KMT2C: variants seen among roughly 807,000 people sequenced by gnomAD.
KMT2C encodes the protein lysine methyltransferase 2C, also known as histone-lysine N-methyltransferase 2C.
A neutral mutation model predicts 507.9 loss-of-function variants in KMT2C; 88 were observed. The ratio of observed to expected loss-of-function variants is 0.17; its 90% CI spans 0.15 to 0.21. The LOEUF is 0.21. Ranked by LOEUF, KMT2C falls within the 10% of genes least tolerant of loss-of-function variation. The pLI is 1.00. For synonymous variants in KMT2C, 2,049 were observed against 2,080.8 expected (o/e 0.98, Z 0.42); for missense variants, 4,954 against 5,957.8 (o/e 0.83, Z 5.55).
At chr7:152,389,453 A>G (rs1284458318) in intron 1 of KMT2C, among the ~76,000 whole-genome samples, 1 of 151,484 alleles carries the variant, frequency 6.6e-6, no homozygotes, top group Non-Finnish European at 1.5e-5. Flanking sequence ...TCTAGTTTAC[A>G]CTATTTAAAT....
chr7:152,237,629 C>G (rs2095304250), intron 15 of KMT2C, among the ~76,000 whole-genome samples: 1 of 152,106 alleles, frequency 6.6e-6, no homozygotes, highest in African/African-American at 2.4e-5. Context: ...TCCCTAGCAG[C>G]TGGGATTACA....
intron 16 of KMT2C, among the ~76,000 whole-genome samples, chr7:152,234,162 T>G (rs1203229362): frequency 2.1e-5 from 3 of 144,728 alleles, no homozygotes; most frequent in Non-Finnish European, 4.5e-5. Flanking sequence ...CCGAGGCAGG[T>G]GGATCAGGAG....
intron 23 of KMT2C, among the ~76,000 whole-genome samples, chr7:152,215,465 G>A (rs1482567369): frequency 1.6e-5 from 2 of 121,378 alleles, no homozygotes; most frequent in African/African-American, 6.6e-5. Context: ...AGTGAGCAAA[G>A]ATCGTGCCAC....
At position 152,209,223 on chromosome 7, in the gene KMT2C, G is replaced by A. The variant is rs181721971; in HGVS notation, c.3713-1795C>T. The stretch of plus-strand genomic sequence containing the variant: ...TGTAATCCCAGCACTTTGGGAGGCC[G>A]AGGCGGGCAGATCACGAGGTCAGGA... On this transcript the variant is annotated intron_variant, in intron 23 of 58. Coordinates refer to ENST00000262189, the MANE Select transcript of KMT2C (RefSeq NM_170606.3). Among the ~76,000 whole-genome samples, 1,436 of 151,516 alleles carry A rather than the reference G, an allele frequency of 9.5e-3. 35 individuals carry two copies. The highest frequency in any genetic ancestry group is 0.033 in the African/African-American group (1,374 of 41,308).
intron 7 of KMT2C, among the ~76,000 whole-genome samples, chr7:152,270,879 T>C (rs2095952980): frequency 6.6e-6 from 1 of 152,182 alleles, no homozygotes; most frequent in African/African-American, 2.4e-5. Flanking sequence ...ACAGATACTC[T>C]CTTTAGTGAA....
At position 152,288,360 on chromosome 7, in the gene KMT2C, C is replaced by T. The variant is rs568987260; in HGVS notation, c.850-14493G>A. ...ACCAGCCTGGCCAACATGGCAAAAC[C>T]CTGTCTCTACTAAAAATACAAAAAT... On this transcript the variant is annotated intron_variant, in intron 6 of 58. Transcript: ENST00000262189. Among the ~76,000 whole-genome samples, 109 of 151,718 alleles carry T rather than the reference C, an allele frequency of 7.2e-4. 7 individuals are homozygous for T. In the South Asian group the frequency reaches 0.022, roughly 31 times the overall value.
chr7:152,415,484 T>A (rs200784093), intron 1 of KMT2C, among the ~76,000 whole-genome samples: 1 of 152,108 alleles, frequency 6.6e-6, no homozygotes, highest in Non-Finnish European at 1.5e-5. Context: ...AAATATGTCA[T>A]ACAACAAGCT....
intron 1 of KMT2C, among the ~76,000 whole-genome samples, chr7:152,410,132 C>T (rs1013694110): frequency 6.6e-6 from 1 of 152,120 alleles, no homozygotes; most frequent in Non-Finnish European, 1.5e-5. Flanking sequence ...AAAATATAGG[C>T]CGGGCACGGT....
chr7:152,340,451 G>A lies in KMT2C; in HGVS notation c.251-9712C>T, dbSNP rs769373149. Among the ~76,000 whole-genome samples the A allele has an allele frequency of 1.3e-5, 2 of 152,126 alleles. 1 individual carries two copies. ...TTTGAAAGAAGTCTGCCTCCTGACA[G>A]TTATGTTTTCTGGATATATCTCATT... is the stretch of plus-strand genomic sequence containing the variant. On this transcript the variant is annotated intron_variant, in intron 2 of 58. Transcript: ENST00000262189.
At chr7:152,305,420 G>A (rs940002629) in intron 6 of KMT2C, among the ~76,000 whole-genome samples, 2 of 152,168 alleles carry the variant, frequency 1.3e-5, no homozygotes, top group Non-Finnish European at 2.9e-5. Flanking sequence ...CTGCGTCTGC[G>A]TACTTGAGTA....
At chr7:152,365,156 A>AC in intron 1 of KMT2C, among the ~76,000 whole-genome samples, 1 of 152,206 alleles carries the variant, frequency 6.6e-6, no homozygotes, top group Admixed American at 6.5e-5. Context: ...TAAGGAGAAA[A>AC]TTAAAGGAAA....
chr7:152,152,634 T>C, intron 49 of KMT2C, 71 bp downstream of exon 49: 3 of 1,547,202 alleles, frequency 1.9e-6, no homozygotes, highest in Admixed American at 1.7e-5. Flanking sequence ...AGATAATCAG[T>C]ATCTCAAAGA....
chr7:152,222,230 G>C (rs2094796591), intron 21 of KMT2C, among the ~76,000 whole-genome samples, 164 bp from the exon 22 acceptor site: 1 of 152,152 alleles, frequency 6.6e-6, no homozygotes, highest in African/African-American at 2.4e-5. Flanking sequence ...AAAACAAGAA[G>C]TGATGAAGGA....
rs1415340394 is a variant in KMT2C at position 152,315,260 on chromosome 7, C to A, written c.468G>T (p.Thr156=). The A allele has an allele frequency of 6.2e-7, 1 of 1,613,742 alleles. No homozygotes were observed. Among genetic ancestry groups the A allele is most frequent in the Non-Finnish European group, 8.5e-7 (1 of 1,179,766 alleles). ...TTCTCCATGGCAAGATAAATCCAGG[C>A]GTTATTCTGAATTGTTTTAAGTCTC... ...GQGDLKQFRI[T]PGFILPWRNQ... is the part of the protein sequence containing the mutation. Residue 156 remains threonine (T), a synonymous_variant, in exon 4 of 59, where the codon ACG becomes ACT. Coordinates refer to ENST00000262189, the MANE Select transcript of KMT2C (RefSeq NM_170606.3).
intron 53 of KMT2C, 34 bp from the exon 54 acceptor site, chr7:152,145,329 C>A (rs762604700): frequency 7.5e-6 from 12 of 1,607,106 alleles, no homozygotes; most frequent in East Asian, 4.5e-5. Flanking sequence ...AAAGTCACCC[C>A]ATCTGATGGA....
At chr7:152,354,528 G>A (rs139116175) in intron 2 of KMT2C, among the ~76,000 whole-genome samples, 1 of 152,266 alleles carries the variant, frequency 6.6e-6, no homozygotes, top group African/African-American at 2.4e-5. Flanking sequence ...TTACGTACTA[G>A]GAGAAAAATA....
At chr7:152,263,181 G>A (rs1387815075) in intron 8 of KMT2C, 51 bp from the exon 9 acceptor site, 7 of 1,427,472 alleles carry the variant, frequency 4.9e-6, no homozygotes, top group Non-Finnish European at 5.9e-6. Flanking sequence ...CTTATGTTTT[G>A]TAACATAAGT....
intron 38 of KMT2C, among the ~76,000 whole-genome samples, chr7:152,174,683 C>G (rs1286069680): frequency 6.6e-6 from 1 of 151,978 alleles, no homozygotes; most frequent in Non-Finnish European, 1.5e-5. Context: ...ACGAAAAAAC[C>G]TATTTGCATC....
At chr7:152,254,873 T>A (rs1245337241) in intron 9 of KMT2C, among the ~76,000 whole-genome samples, 1 of 151,760 alleles carries the variant, frequency 6.6e-6, no homozygotes, top group Admixed American at 6.6e-5. Flanking sequence ...AAAATTAGCA[T>A]GCAAAAGGCA....
Sources: allele counts gnomAD v4.1 joint callset (sites outside exome capture counted in the v4.1 genomes callset), GRCh38; gene constraint gnomAD v4.1.1; transcripts MANE v1.5; gene names NCBI Gene and HGNC (gene_info 2026-07-23, HGNC 2026-07-21).